Variants in ZNF148 observed in about 807,000 individuals in gnomAD.
ZNF148 encodes the protein zinc finger protein 148.
A neutral mutation model predicts 67.7 loss-of-function variants in ZNF148; 7 were observed. The observed-to-expected ratio is 0.10, with a 90% CI of 0.06 to 0.19. The LOEUF is 0.19. Among genes scored for constraint, ZNF148 ranks in the 10% least tolerant of loss-of-function variants. The probability of loss-of-function intolerance (pLI) is 1.00; values close to 1 mark genes in which losing one functional copy is unlikely to be tolerated. For synonymous variants in ZNF148, 333 were observed against 330.7 expected (o/e 1.01, Z -0.08); for missense variants, 583 against 947.1 (o/e 0.62, Z 5.05).
chr3:125,251,948 T>C (rs2107549116), intron 7 of ZNF148, among the ~76,000 whole-genome samples: 1 of 152,354 alleles, frequency 6.6e-6, no homozygotes, highest in South Asian at 2.1e-4. Context: ...GTGAGTACTT[T>C]GTACCACCTG....
At position 125,313,632 on chromosome 3, in the gene ZNF148, A is replaced by T; in HGVS notation, c.9T>A (p.Ile3=). Residue 3 remains isoleucine (I), a synonymous_variant, in exon 4 of 9, where the codon ATT becomes ATA. Coordinates refer to ENST00000360647, the MANE Select transcript of ZNF148 (RefSeq NM_021964.3). ...GAAACAATCCTTCCAGTTTGTCGTC[A>T]ATGTTCATGCTTAAGTATAACTGCC... MN[I]DDKLEGLFLK... The T allele has an allele frequency of 6.2e-7, 1 of 1,612,264 alleles. No homozygotes were observed. The highest frequency in any genetic ancestry group is 8.5e-7 in the Non-Finnish European group (1 of 1,178,364).
intron 7 of ZNF148, among the ~76,000 whole-genome samples, chr3:125,269,829 C>T (rs1418443875): frequency 5.3e-5 from 8 of 152,280 alleles, no homozygotes; most frequent in Non-Finnish European, 1.5e-5. Flanking sequence ...TGGAGTCAAT[C>T]ACCCTAAGTG....
At chr3:125,362,319 T>A (rs1942567791) in intron 1 of ZNF148, among the ~76,000 whole-genome samples, 1 of 152,200 alleles carries the variant, frequency 6.6e-6, no homozygotes, top group South Asian at 2.1e-4. Flanking sequence ...CATCCATCTG[T>A]TACTTCTTGC....
chr3:125,229,876 G>T lies in ZNF148; in HGVS notation c.*2465C>A, dbSNP rs1188056122. The T allele has an allele frequency of 6.6e-6, 1 of 152,510 alleles. No individual in the cohort carries two copies. Among genetic ancestry groups the T allele is most frequent in the Non-Finnish European group, 1.5e-5 (1 of 68,014 alleles). The allele number at this position is 152,510 out of a possible 1,614,324, so 9.4% of individuals were successfully genotyped here. On this transcript the variant is annotated 3_prime_UTR_variant, in exon 9 of 9. Transcript: ENST00000360647. ...ATGATAGAACAAGGTAACTCTGGTA[G>T]GCATTTGGAATTTCACAGTAAGAGA... is the stretch of plus-strand genomic sequence containing the variant.
At chr3:125,336,189 C>T (rs938553670) in intron 1 of ZNF148, among the ~76,000 whole-genome samples, 2 of 152,160 alleles carry the variant, frequency 1.3e-5, no homozygotes, top group African/African-American at 4.8e-5. Context: ...AAAAGGCTAC[C>T]TCTGCCCTTT....
intron 7 of ZNF148, among the ~76,000 whole-genome samples, chr3:125,243,077 G>C (rs1936439521): frequency 6.6e-6 from 1 of 152,122 alleles, no homozygotes; most frequent in Non-Finnish European, 1.5e-5. Context: ...GTTAACTTAT[G>C]AACAATTTGA....
intron 7 of ZNF148, among the ~76,000 whole-genome samples, chr3:125,249,092 G>T (rs923464469): frequency 3.9e-5 from 6 of 152,144 alleles, no homozygotes; most frequent in Non-Finnish European, 8.8e-5. Flanking sequence ...AAGAAAGCAT[G>T]GGAGAAAGCT....
intron 1 of ZNF148, among the ~76,000 whole-genome samples, chr3:125,336,677 C>CTTTTTTTTTTTTTTTTTTTTTTT (rs71148176): frequency 1.0e-5 from 1 of 95,304 alleles, no homozygotes; most frequent in African/African-American, 4.5e-5. Context: ...CAGAAATCAC[C>CTTTTTTTTTTTTTTTTTTTTTTT]TTTTTTTTTT....
chr3:125,252,296 T>A (rs1936872535), intron 7 of ZNF148, among the ~76,000 whole-genome samples: 1 of 150,220 alleles, frequency 6.7e-6, no homozygotes, highest in Non-Finnish European at 1.5e-5. Flanking sequence ...TGTTTAGGAT[T>A]TTCCCCCCAT....
chr3:125,308,988 C>T (rs1435133703), intron 4 of ZNF148, among the ~76,000 whole-genome samples: 1 of 152,054 alleles, frequency 6.6e-6, no homozygotes, highest in African/African-American at 2.4e-5. Flanking sequence ...CAAAAGCAGC[C>T]AGACACAAGA....
intron 7 of ZNF148, among the ~76,000 whole-genome samples, chr3:125,244,832 A>C (rs1244831248): frequency 6.6e-6 from 1 of 151,812 alleles, no homozygotes; most frequent in Non-Finnish European, 1.5e-5. Flanking sequence ...CAAGCATTCA[A>C]CTCAAAGTGA....
chr3:125,275,808 A>C (rs1938027900), intron 7 of ZNF148, among the ~76,000 whole-genome samples: 2 of 152,216 alleles, frequency 1.3e-5, no homozygotes, highest in African/African-American at 4.8e-5. Context: ...TCACAGTGCA[A>C]TGAAGGTGAG....
intron 5 of ZNF148, among the ~76,000 whole-genome samples, chr3:125,287,485 A>C (rs918990591): frequency 6.6e-6 from 1 of 152,142 alleles, no homozygotes; most frequent in Non-Finnish European, 1.5e-5. Flanking sequence ...TAAGAAATTC[A>C]AAAATTAGCC....
At chr3:125,342,356 C>T (rs2877871) in intron 1 of ZNF148, among the ~76,000 whole-genome samples, 2 of 55,344 alleles carry the variant, frequency 3.6e-5, no homozygotes, top group Non-Finnish European at 6.7e-5. Flanking sequence ...AAAAAAAAGA[C>T]AAAAAAAAAA....
chr3:125,363,275 T>C lies in ZNF148; in HGVS notation c.-234+11827A>G, dbSNP rs1324875573. On this transcript the variant is annotated intron_variant, in intron 1 of 8. Transcript: ENST00000360647. ...CACTTCAATTATCAGTCCAAATAAT[T>C]TCATAACCGTCAGTGCCCTAACTAA... 2.0e-5 allele frequency among the ~76,000 whole-genome samples: 3 copies of C among 152,338 alleles called. No individual in the cohort carries two copies. The South Asian group carries it at 6.2e-4, about 32-fold the overall frequency.
chr3:125,353,529 T>G (rs1037904774), intron 1 of ZNF148, among the ~76,000 whole-genome samples: 1 of 152,192 alleles, frequency 6.6e-6, no homozygotes, highest in African/African-American at 2.4e-5. Flanking sequence ...TACTAGAAAT[T>G]TATTAAGATG....
At chr3:125,363,239 AC>A (rs1942598981) in intron 1 of ZNF148, among the ~76,000 whole-genome samples, 1 of 152,214 alleles carries the variant, frequency 6.6e-6, no homozygotes, top group African/African-American at 2.4e-5. Context: ...TTCAACTATT[AC>A]TTCAATTAAC....
chr3:125,285,971 G>A (rs1366957677), intron 5 of ZNF148, among the ~76,000 whole-genome samples: 1 of 152,024 alleles, frequency 6.6e-6, no homozygotes, highest in Non-Finnish European at 1.5e-5. Context: ...CAAATACCTA[G>A]AACATATCAC....
intron 1 of ZNF148, among the ~76,000 whole-genome samples, chr3:125,359,743 G>A (rs1942477440): frequency 6.6e-6 from 1 of 152,152 alleles, no homozygotes. Context: ...TTTTATCATG[G>A]GTGGCATAGA....
Sources: gnomAD v4.1 joint callset for allele counts (sites outside exome capture counted in the v4.1 genomes callset) on GRCh38, gnomAD v4.1.1 for gene constraint, MANE v1.5 for transcripts, NCBI Gene and HGNC (gene_info 2026-07-23, HGNC 2026-07-21) for gene names.